PHC3: variants seen among roughly 807,000 people sequenced by gnomAD.
PHC3 encodes the protein polyhomeotic homolog 3.
A neutral mutation model predicts 107.4 loss-of-function variants in PHC3; 13 were observed. The ratio of observed to expected loss-of-function variants is 0.12; its 90% CI spans 0.08 to 0.19. The LOEUF (loss-of-function observed/expected upper bound fraction) is 0.19, where lower values mean the gene tolerates loss of function less well. Ranked by LOEUF, PHC3 falls within the 10% of genes least tolerant of loss-of-function variation. The pLI is 1.00. For synonymous variants in PHC3, 456 were observed against 427.4 expected, an observed-to-expected ratio of 1.07 and a Z score of -0.83; for missense variants, 992 against 1,210.9, an observed-to-expected ratio of 0.82 and a Z score of 2.68.
At chr3:170,152,337 A>ATTTTTTTTTTTTTTTTTTTT (rs1220193435) in intron 4 of PHC3, among the ~76,000 whole-genome samples, 2 of 122,166 alleles carry the variant, frequency 1.6e-5, no homozygotes, top group Non-Finnish European at 3.4e-5. Flanking sequence ...CGCCTGGCTA[A>ATTTTTTTTTTTTTTTTTTTT]TTTTTTTTTT....
chr3:170,128,245 C>CG (rs1372216364), intron 8 of PHC3: 1 of 614,796 alleles, frequency 1.6e-6, no homozygotes, highest in East Asian at 9.1e-5. Context: ...AAGCCCAAGA[C>CG]TCTAGGATGC....
At chr3:170,115,476 T>C (rs989528937) in intron 10 of PHC3, among the ~76,000 whole-genome samples, 1 of 152,162 alleles carries the variant, frequency 6.6e-6, no homozygotes, top group African/African-American at 2.4e-5. Flanking sequence ...TGTATACACA[T>C]ATACATACTG....
At chr3:170,153,227 A>G (rs1426315523) in intron 4 of PHC3, among the ~76,000 whole-genome samples, 5 of 152,182 alleles carry the variant, frequency 3.3e-5, no homozygotes, top group Admixed American at 3.3e-4. Flanking sequence ...TCTGGAAGTC[A>G]TCCTGATGCT....
intron 2 of PHC3, among the ~76,000 whole-genome samples, chr3:170,178,051 A>C (rs1730770946): frequency 6.6e-6 from 1 of 152,112 alleles, no homozygotes; most frequent in African/African-American, 2.4e-5. Context: ...TTGGAAACTT[A>C]ATCTCCAATG....
intron 4 of PHC3, among the ~76,000 whole-genome samples, chr3:170,153,624 G>A (rs190993372): frequency 2.0e-4 from 30 of 152,116 alleles, no homozygotes; most frequent in African/African-American, 6.0e-4. Context: ...ATAGCCAGGC[G>A]TGGTGGCGGG....
Position 170,121,867 on chromosome 3 carries a change from C to T in PHC3, c.1942+724G>A, listed in dbSNP as rs902248217. 3.3e-5 allele frequency among the ~76,000 whole-genome samples: 5 copies of T among 152,160 alleles called. No homozygotes were observed. The South Asian group carries it at 1.0e-3, about 32-fold the overall frequency. ...TGAATGAGCATATGAAACATGTCTGCACAAATCACTAAAAATTAGAAGCCT... is the reference window on the plus strand; with the variant it reads ...TGAATGAGCATATGAAACATGTCTGTACAAATCACTAAAAATTAGAAGCCT... On this transcript the variant is annotated intron_variant, in intron 9 of 14. Coordinates refer to ENST00000495893, the MANE Select transcript of PHC3 (RefSeq NM_024947.4).
At chr3:170,180,853 C>T (rs1731274666) in intron 1 of PHC3, among the ~76,000 whole-genome samples, 2 of 152,222 alleles carry the variant, frequency 1.3e-5, no homozygotes, top group Non-Finnish European at 2.9e-5. Flanking sequence ...CGGCATAAGT[C>T]TAAACATCGG....
chr3:170,158,418 T>C lies in PHC3; in HGVS notation c.415-9174A>G, dbSNP rs1727239103. Among the ~76,000 whole-genome samples, 12 of 151,590 alleles carry C rather than the reference T, an allele frequency of 7.9e-5. 1 individual carries two copies. Among genetic ancestry groups the C allele is most frequent in the Admixed American group, 7.9e-4 (12 of 15,214 alleles). ...GAAGTTCGAAACCAGCCTGCCAACATGGTGAAACCCCATCTCCACTAAAAA... is the reference window on the plus strand; with the variant it reads ...GAAGTTCGAAACCAGCCTGCCAACACGGTGAAACCCCATCTCCACTAAAAA... On this transcript the variant is annotated intron_variant, in intron 4 of 14. Transcript: ENST00000495893.
intron 4 of PHC3, among the ~76,000 whole-genome samples, chr3:170,162,321 T>C (rs1355538883): frequency 6.6e-6 from 1 of 152,180 alleles, no homozygotes; most frequent in Non-Finnish European, 1.5e-5. Flanking sequence ...CTCAATACTA[T>C]AGGTGGGTGT....
intron 4 of PHC3, among the ~76,000 whole-genome samples, chr3:170,168,694 C>A (rs889544477): frequency 6.1e-5 from 8 of 130,908 alleles, no homozygotes; most frequent in African/African-American, 2.3e-4. Context: ...GCGGAGCTTG[C>A]GGTGAGCCGA....
intron 1 of PHC3, 136 bp downstream of exon 1, chr3:170,181,566 C>T: frequency 7.5e-7 from 1 of 1,329,684 alleles, no homozygotes; most frequent in South Asian, 1.2e-5. Flanking sequence ...CCGGCTCCTC[C>T]ACGATAGGAC....
chr3:170,118,407 G>A (rs2108385402), intron 9 of PHC3, among the ~76,000 whole-genome samples: 1 of 152,058 alleles, frequency 6.6e-6, no homozygotes, highest in Admixed American at 6.5e-5. Flanking sequence ...CACCATGCCT[G>A]CCTGGAAAAT....
chr3:170,089,929 G>GA lies in PHC3; in HGVS notation c.*7300dup, dbSNP rs1203894075. 6,235 of 100,550 alleles carry GA rather than the reference G, an allele frequency of 0.062. 167 individuals are homozygous for GA. Among genetic ancestry groups the GA allele is most frequent in the African/African-American group, 0.12 (3,259 of 27,916 alleles). 6.2% of individuals were successfully genotyped at this position (100,550 alleles called of 1,614,324 possible). ...GAACCCATCTCAAAAAAAAAAAAAA[G>GA]AAAAAAAAAAAAAAAGAAAGAAAGT... On this transcript the variant is annotated 3_prime_UTR_variant, in exon 15 of 15. Transcript: ENST00000495893.
intron 2 of PHC3, among the ~76,000 whole-genome samples, chr3:170,177,518 T>C (rs1365061713): frequency 6.6e-6 from 1 of 151,900 alleles, no homozygotes; most frequent in Non-Finnish European, 1.5e-5. Context: ...AGGTATGCAT[T>C]ACCATGCCTG....
intron 1 of PHC3, among the ~76,000 whole-genome samples, chr3:170,181,219 G>A (rs766927834): frequency 6.6e-6 from 1 of 152,220 alleles, no homozygotes; most frequent in African/African-American, 2.4e-5. Flanking sequence ...AGCCCCGCGT[G>A]TCGGATTCTC....
At chr3:170,148,747 T>C in intron 5 of PHC3, 1 of 168,320 alleles carries the variant, frequency 5.9e-6, no homozygotes. Flanking sequence ...AGTACCAAGA[T>C]GCCATCAGTT....
intron 4 of PHC3, among the ~76,000 whole-genome samples, chr3:170,152,890 G>A (rs1726247989): frequency 6.6e-6 from 1 of 151,428 alleles, no homozygotes; most frequent in South Asian, 2.1e-4. Flanking sequence ...TCAAACTCCT[G>A]GGCTCAAGCG....
At chr3:170,105,689 T>TA (rs1716367057) in intron 12 of PHC3, among the ~76,000 whole-genome samples, 1 of 152,186 alleles carries the variant, frequency 6.6e-6, no homozygotes, top group Admixed American at 6.5e-5. Flanking sequence ...TATTTTGAAA[T>TA]ACAGTACAAG....
rs1368305154 is a variant in PHC3 at position 170,120,275 on chromosome 3, G to T, written c.1942+2316C>A. On this transcript the variant is annotated intron_variant, in intron 9 of 14. Coordinates refer to ENST00000495893, the MANE Select transcript of PHC3 (RefSeq NM_024947.4). ...TATAAACTTTCTTAAGTCTTATGAG[G>T]TATTACTTTGAATAAAAAGACAATA... 2.0e-5 allele frequency among the ~76,000 whole-genome samples: 3 copies of T among 152,090 alleles called. No individual in the cohort carries two copies. In the East Asian group the frequency reaches 5.8e-4, roughly 29 times the overall value.
Sources: gnomAD v4.1 joint callset for allele counts (sites outside exome capture counted in the v4.1 genomes callset) on GRCh38, gnomAD v4.1.1 for gene constraint, MANE v1.5 for transcripts, NCBI Gene and HGNC (gene_info 2026-07-23, HGNC 2026-07-21) for gene names.